The following ACOXL variants were observed in gnomAD, a reference collection of about 807,000 sequenced individuals.
ACOXL encodes acyl-CoA oxidase like.
In ACOXL, 70 loss-of-function variants were observed where a neutral mutation model predicts 71.9. That is an observed-to-expected ratio of 0.97 (90% confidence interval 0.80 to 1.19). The LOEUF (loss-of-function observed/expected upper bound fraction) is 1.19, where lower values mean the gene tolerates loss of function less well. Among genes scored for constraint, ACOXL ranks in the 50% most tolerant of loss-of-function variants. ACOXL has a pLI of 0.00. For missense variants in ACOXL, 703 were observed against 736.3 expected (o/e 0.95, Z 0.52); for synonymous variants, 253 against 281.6 (o/e 0.90, Z 1.02).
At chr2:110,952,603 T>C (rs1447146967) in intron 12 of ACOXL, among the ~76,000 whole-genome samples, 1 of 152,070 alleles carries the variant, frequency 6.6e-6, no homozygotes, top group African/African-American at 2.4e-5. Context: ...TGTGCTATCA[T>C]GCCCAGCTAA....
At chr2:110,890,668 A>G (rs996993236) in intron 10 of ACOXL, among the ~76,000 whole-genome samples, 4 of 152,188 alleles carry the variant, frequency 2.6e-5, no homozygotes, top group African/African-American at 7.2e-5. Context: ...CCATTGATCT[A>G]TATGTCTATC....
intron 16 of ACOXL, among the ~76,000 whole-genome samples, chr2:111,084,933 A>G (rs908054729): frequency 6.6e-6 from 1 of 151,802 alleles, no homozygotes; most frequent in African/African-American, 2.4e-5. Context: ...TGGCAATCCT[A>G]ATTTCAGACA....
intron 9 of ACOXL, among the ~76,000 whole-genome samples, chr2:110,816,810 C>T (rs1573656286): frequency 6.6e-6 from 1 of 152,186 alleles, no homozygotes; most frequent in Non-Finnish European, 1.5e-5. Context: ...TCTTTTACTC[C>T]AGCAATACAG....
At chr2:110,997,726 C>T (rs1448440962) in intron 14 of ACOXL, among the ~76,000 whole-genome samples, 1 of 152,092 alleles carries the variant, frequency 6.6e-6, no homozygotes, top group Non-Finnish European at 1.5e-5. Flanking sequence ...GATTGGCGGT[C>T]CCTGTGAAGC....
intron 16 of ACOXL, among the ~76,000 whole-genome samples, chr2:111,083,609 C>G (rs914495726): frequency 4.0e-5 from 6 of 151,236 alleles, no homozygotes; most frequent in African/African-American, 1.5e-4. Context: ...ATTCATATGA[C>G]TGACCTCAGC....
At chr2:111,039,214 A>C (rs1421313797) in intron 15 of ACOXL, among the ~76,000 whole-genome samples, 1 of 152,222 alleles carries the variant, frequency 6.6e-6, no homozygotes, top group Non-Finnish European at 1.5e-5. Context: ...AGTTTGATAA[A>C]TCACCAGAGA....
intron 12 of ACOXL, chr2:110,967,801 T>C (rs1336509596): frequency 5.1e-6 from 4 of 791,096 alleles, no homozygotes; most frequent in Non-Finnish European, 8.5e-6. Flanking sequence ...CAGGTCTCTG[T>C]TGAGCCACGG....
chr2:110,964,977 C>T (rs1388624360), intron 12 of ACOXL, among the ~76,000 whole-genome samples: 5 of 152,132 alleles, frequency 3.3e-5, no homozygotes, highest in Non-Finnish European at 5.9e-5. Flanking sequence ...TCCCCCTACC[C>T]GCCCCCACAC....
intron 9 of ACOXL, among the ~76,000 whole-genome samples, chr2:110,820,565 G>A (rs541191519): frequency 2.6e-4 from 39 of 152,052 alleles, no homozygotes; most frequent in Non-Finnish European, 4.6e-4. Flanking sequence ...AGTGGGGGTG[G>A]GGCTGGACAC....
intron 3 of ACOXL, among the ~76,000 whole-genome samples, chr2:110,785,210 A>G (rs1683801244): frequency 6.6e-6 from 1 of 152,222 alleles, no homozygotes. Flanking sequence ...TAATGCTCAC[A>G]GAAAGTTACA....
At chr2:111,059,463 T>C (rs13013329) in intron 16 of ACOXL, among the ~76,000 whole-genome samples, 12,331 of 152,294 alleles carry the variant, frequency 0.081, 615 homozygotes, top group Non-Finnish European at 0.11. Flanking sequence ...GGCTCTCAGA[T>C]TGGATGAAAA....
At chr2:110,971,917 T>C (rs1234048349) in intron 12 of ACOXL, among the ~76,000 whole-genome samples, 1 of 152,156 alleles carries the variant, frequency 6.6e-6, no homozygotes, top group East Asian at 1.9e-4. Context: ...TCTCTGGGAG[T>C]ATATTTTAAA....
At chr2:110,952,257 C>T (rs1444202315) in intron 12 of ACOXL, among the ~76,000 whole-genome samples, 1 of 152,086 alleles carries the variant, frequency 6.6e-6, no homozygotes, top group Non-Finnish European at 1.5e-5. Context: ...TAAAATTTAT[C>T]AACCATAAAG....
intron 17 of ACOXL, among the ~76,000 whole-genome samples, chr2:111,108,991 T>C (rs1377097495): frequency 1.3e-5 from 2 of 152,220 alleles, no homozygotes; most frequent in Non-Finnish European, 2.9e-5. Context: ...TAGTATTTCA[T>C]TGTATCGGCT....
chr2:110,809,040 G>A (rs1686998027), intron 9 of ACOXL, among the ~76,000 whole-genome samples: 1 of 152,226 alleles, frequency 6.6e-6, no homozygotes, highest in Admixed American at 6.5e-5. Flanking sequence ...TTAGCAGAGG[G>A]AAGCCCTCAG....
At chr2:111,113,989 G>T (rs927515266) in intron 17 of ACOXL, 2 of 152,666 alleles carry the variant, frequency 1.3e-5, no homozygotes, top group Non-Finnish European at 2.9e-5. Context: ...TTTTGGAAAG[G>T]AGGTGGAATT....
chr2:110,823,686 T>G (rs1227219291), intron 9 of ACOXL, among the ~76,000 whole-genome samples: 1 of 152,228 alleles, frequency 6.6e-6, no homozygotes, highest in Non-Finnish European at 1.5e-5. Context: ...CACTGCATTG[T>G]TGTCCTAATT....
At chr2:111,015,639 A>G (rs1446581276) in intron 14 of ACOXL, among the ~76,000 whole-genome samples, 3 of 152,226 alleles carry the variant, frequency 2.0e-5, no homozygotes, top group Admixed American at 2.0e-4. Context: ...AGAAATTAAA[A>G]TATATTCTCA....
intron 12 of ACOXL, among the ~76,000 whole-genome samples, chr2:110,954,092 C>T (rs2061419035): frequency 6.6e-6 from 1 of 152,158 alleles, no homozygotes; most frequent in Admixed American, 6.5e-5. Context: ...ATTTTCCTAG[C>T]GAATTGAGTA....
Sources: allele counts gnomAD v4.1 joint callset (sites outside exome capture counted in the v4.1 genomes callset), GRCh38; gene constraint gnomAD v4.1.1; transcripts MANE v1.5; gene names NCBI Gene and HGNC (gene_info 2026-07-23, HGNC 2026-07-21).